ETNK2: variants seen among roughly 807,000 people sequenced by gnomAD.
The protein encoded by ETNK2 is ethanolamine kinase 2.
In ETNK2, 33 loss-of-function variants were observed where a neutral mutation model predicts 46.2. The ratio of observed to expected loss-of-function variants is 0.71; its 90% confidence interval spans 0.54 to 0.96. ETNK2 has a LOEUF of 0.96. Among genes scored for constraint, ETNK2 ranks in the 40% least tolerant of loss-of-function variants. The pLI is 0.00. For missense variants in ETNK2, 445 were observed against 509.7 expected, an observed-to-expected ratio of 0.87 and a Z score of 1.22; for synonymous variants, 194 against 209.0, an observed-to-expected ratio of 0.93 and a Z score of 0.62.
chr1:204,141,565 G>T, intron 3 of ETNK2, 108 bp from the exon 4 acceptor site: 1 of 1,293,978 alleles, frequency 7.7e-7, no homozygotes, highest in Non-Finnish European at 1.0e-6. Flanking sequence ...CTTACTGCAG[G>T]GGGCCTTGGA....
At chr1:204,137,698 A>C (rs1415683952) in intron 5 of ETNK2, among the ~76,000 whole-genome samples, 3 of 152,156 alleles carry the variant, frequency 2.0e-5, no homozygotes, top group Non-Finnish European at 4.4e-5. Flanking sequence ...AAATTTCTTC[A>C]TTTATCAAAT....
chr1:204,149,549 C>T (rs1415670411), intron 2 of ETNK2, among the ~76,000 whole-genome samples, 154 bp downstream of exon 2: 1 of 152,220 alleles, frequency 6.6e-6, no homozygotes, highest in Non-Finnish European at 1.5e-5. Flanking sequence ...GATAGCCCCT[C>T]TCTGCAGAGC....
chr1:204,143,237 T>C (rs891095302), intron 3 of ETNK2, among the ~76,000 whole-genome samples: 4 of 152,080 alleles, frequency 2.6e-5, no homozygotes, highest in African/African-American at 7.2e-5. Flanking sequence ...TTTTTTTTTT[T>C]CTTGGACTGA....
intron 1 of ETNK2, chr1:204,150,957 G>A (rs1341402871): frequency 2.0e-5 from 3 of 153,018 alleles, no homozygotes; most frequent in African/African-American, 7.2e-5. Context: ...GTAGTCAGCT[G>A]GGGAGTTAGC....
intron 3 of ETNK2, chr1:204,142,701 T>A (rs1193715363): frequency 2.6e-5 from 4 of 152,254 alleles, no homozygotes; most frequent in Non-Finnish European, 5.9e-5. Context: ...CTCTCTCACC[T>A]TCCCACAGGA....
At position 204,141,391 on chromosome 1, in the gene ETNK2, C is replaced by A. The variant is rs759163609; in HGVS notation, c.708G>T (p.Leu236=). The A allele has an allele frequency of 3.7e-6, 6 of 1,613,672 alleles. No homozygotes were observed. The highest frequency in any genetic ancestry group is 5.1e-6 in the Non-Finnish European group (6 of 1,179,806). ...ERELAWLKEH[L]SQLESPVVFC... ...ACACCACAGGGGACTCCAGCTGGGA[C>A]AGATGCTCCTTCAGCCAGGCCAGCT... Residue 236 remains leucine, a synonymous_variant, in exon 4 of 8, where the codon CTG becomes CTT. Transcript: ENST00000367202.
intron 1 of ETNK2, among the ~76,000 whole-genome samples, chr1:204,150,750 C>T (rs552585783): frequency 1.3e-5 from 2 of 152,254 alleles, no homozygotes; most frequent in South Asian, 2.1e-4. Flanking sequence ...CCAAACTGGG[C>T]CTTTTATTTT....
chr1:204,141,300 C>A lies in ETNK2; in HGVS notation c.784+15G>T, dbSNP rs780464310. 11 of 1,613,988 alleles carry A rather than the reference C, an allele frequency of 6.8e-6. No homozygotes were observed. The highest frequency in any genetic ancestry group is 9.3e-6 in the Non-Finnish European group (11 of 1,179,892). On this transcript the variant is annotated intron_variant, in intron 4 of 7. Coordinates refer to ENST00000367202, the MANE Select transcript of ETNK2 (RefSeq NM_018208.4). ...CCAAAACCCTGCTGCTGCCCCAGGG[C>A]CAGAGAAGCCATACCTTTGATGCTG...
At chr1:204,149,307 T>C (rs568255015) in intron 2 of ETNK2, among the ~76,000 whole-genome samples, 10 of 152,242 alleles carry the variant, frequency 6.6e-5, no homozygotes, top group Non-Finnish European at 1.2e-4. Flanking sequence ...CCATTTTCCT[T>C]GACAAACAGA....
At position 204,140,088 on chromosome 1, in the gene ETNK2, G is replaced by A; in HGVS notation, c.815C>T (p.Ala272Val). Residue 272 changes from alanine to valine, a missense_variant, in exon 5 of 8, where the codon GCT becomes GTT. Transcript: ENST00000367202. ...GTCAAAAGCTTGGTAGTTGTAGCCAGCATATTCATAGTCAATGAACCGCAC... is the reference window on the plus strand; with the variant it reads ...GTCAAAAGCTTGGTAGTTGTAGCCAACATATTCATAGTCAATGAACCGCAC... ...GHVRFIDYEYAGYNYQAFDIG... is the reference protein window; with the variant it reads ...GHVRFIDYEYVGYNYQAFDIG... The A allele has an allele frequency of 1.2e-6, 2 of 1,613,900 alleles. No individual in the cohort carries two copies. Among genetic ancestry groups the A allele is most frequent in the Non-Finnish European group, 8.5e-7 (1 of 1,179,826 alleles).
At chr1:204,136,302 G>A (rs1205304712) in intron 6 of ETNK2, among the ~76,000 whole-genome samples, 3 of 151,798 alleles carry the variant, frequency 2.0e-5, no homozygotes, top group Non-Finnish European at 4.4e-5. Context: ...AGGCTGAGGT[G>A]GGAGGATTGC....
rs1167803514 is a variant in ETNK2 at position 204,132,267 on chromosome 1, G to C, written c.1089-11C>G. 6.4e-7 allele frequency: 1 copy of C among 1,563,602 alleles called. No individual in the cohort carries two copies. Among genetic ancestry groups the C allele is most frequent in the South Asian group, 1.2e-5 (1 of 84,714 alleles). ...CGGATCACTGCGTACCTGTGGGGAA[G>C]ACAGAAGGAAGCTGGGTGTGAGGAA... is the stretch of plus-strand genomic sequence containing the variant. On this transcript the variant is annotated splice_polypyrimidine_tract_variant and intron_variant, in intron 7 of 7. Coordinates refer to ENST00000367202, the MANE Select transcript of ETNK2 (RefSeq NM_018208.4).
At chr1:204,141,674 A>T in intron 3 of ETNK2, 2 of 572,244 alleles carry the variant, frequency 3.5e-6, no homozygotes, top group Middle Eastern at 4.7e-4. Context: ...GGAAGCTGAT[A>T]AAGACATGGG....
chr1:204,132,551 G>A lies in ETNK2; in HGVS notation c.1089-295C>T, dbSNP rs149949413. Among the ~76,000 whole-genome samples, 15 of 152,188 alleles carry A rather than the reference G, an allele frequency of 9.9e-5. No individual in the cohort carries two copies. The East Asian group carries it at 2.9e-3, about 29-fold the overall frequency. On this transcript the variant is annotated intron_variant, in intron 7 of 7. Transcript: ENST00000367202. ...CGGGCTCTGATGATCCTCCCACTCA[G>A]CCTCCAGAATAGCTGGGATTATAGG... is the stretch of plus-strand genomic sequence containing the variant.
chr1:204,143,905 G>A (rs1256944730), intron 3 of ETNK2, among the ~76,000 whole-genome samples: 1 of 152,138 alleles, frequency 6.6e-6, no homozygotes, highest in African/African-American at 2.4e-5. Flanking sequence ...GGCTTAGGCA[G>A]CTTAGGGCAT....
chr1:204,151,666 T>C lies in ETNK2; in HGVS notation c.187A>G (p.Ile63Val). The change falls in exon 1 of 8, where the codon ATC (isoleucine) becomes GTC (valine). Residue 63 changes from isoleucine (I) to valine (V), a missense_variant. By Grantham distance (29) the Ile-to-Val change is conservative. Coordinates refer to ENST00000367202, the MANE Select transcript of ETNK2 (RefSeq NM_018208.4). This position sits in a 1 kb window ranked among gnomAD's most constrained non-coding sequence, Gnocchi z 8.0. ...ATGAGGCGCAGGGCCCCGGGAAGGATGTCGTCCGGGTCCACGGAAATGCCG... is the reference window on the plus strand; with the variant it reads ...ATGAGGCGCAGGGCCCCGGGAAGGACGTCGTCCGGGTCCACGGAAATGCCG... ...YFGISVDPDDILPGALRLIQE... is the reference protein window; with the variant it reads ...YFGISVDPDDVLPGALRLIQE... 6.5e-7 allele frequency: 1 copy of C among 1,548,882 alleles called. No individual in the cohort carries two copies. Among genetic ancestry groups the C allele is most frequent in the Middle Eastern group, 1.7e-4 (1 of 5,982 alleles).
At chr1:204,141,284 T>C (rs1282007564) in intron 4 of ETNK2, 31 bp downstream of exon 4, 14 of 1,613,962 alleles carry the variant, frequency 8.7e-6, no homozygotes, top group Non-Finnish European at 1.2e-5. Flanking sequence ...ACCAAAACCC[T>C]GCTGCTGCCC....
chr1:204,142,691 C>G (rs1657603518), intron 3 of ETNK2: 1 of 152,258 alleles, frequency 6.6e-6, no homozygotes, highest in South Asian at 2.1e-4. Flanking sequence ...GAGACCGGCC[C>G]TCTCTCACCT....
In ETNK2 at chr1:204,149,717, C is replaced by T; in HGVS notation, c.504G>A (p.Glu168=). 6.3e-7 allele frequency: 1 copy of T among 1,591,270 alleles called. No individual in the cohort carries two copies. Among genetic ancestry groups the T allele is most frequent in the Non-Finnish European group, 8.6e-7 (1 of 1,169,278 alleles). ...GVALEPEHIR[E]PRLFRLIALE... ...ACCCTCCTCACCTGAAAAGCCGGGG[C>T]TCACGGATGTGCTCAGGCTCCAGGG... The change falls in exon 2 of 8, where the codon GAG becomes GAA. Residue 168 remains glutamate, a synonymous_variant. Coordinates refer to ENST00000367202, the MANE Select transcript of ETNK2 (RefSeq NM_018208.4).
Sources: gnomAD v4.1 joint callset for allele counts (sites outside exome capture counted in the v4.1 genomes callset) on GRCh38, gnomAD v4.1.1 for gene constraint, Gnocchi (gnomAD v3.1) non-coding constraint, MANE v1.5 for transcripts, NCBI Gene and HGNC (gene_info 2026-07-23, HGNC 2026-07-21) for gene names.